Variants in TCF20 observed in about 807,000 individuals in gnomAD.
The protein encoded by TCF20 is transcription factor 20, also known as SPRE-binding protein.
Under a neutral mutation model 148.6 loss-of-function variants are expected in TCF20, and 3 were observed. The ratio of observed to expected loss-of-function variants is 0.02; its 90% CI spans 0.01 to 0.05. The LOEUF (loss-of-function observed/expected upper bound fraction) is 0.05. Ranked by LOEUF, TCF20 falls within the 10% of genes least tolerant of loss-of-function variation. The pLI is 1.00. For synonymous variants in TCF20, 1,049 were observed against 909.5 expected (o/e 1.15, Z -2.76); for missense variants, 2,350 against 2,429.3 (o/e 0.97, Z 0.69).
At position 42,338,917 on chromosome 22, in the gene TCF20, G is replaced by A. The variant is rs182632494; in HGVS notation, c.-37+4562C>T. Among the ~76,000 whole-genome samples, 4 of 152,050 alleles carry A rather than the reference G, an allele frequency of 2.6e-5. No homozygotes were observed. Among genetic ancestry groups the A allele is most frequent in the Non-Finnish European group, 5.9e-5 (4 of 68,024 alleles). On this transcript the variant is annotated intron_variant, in intron 1 of 1. Transcript: ENST00000515426. The surrounding 1 kb of genome is among the most constrained non-coding windows in gnomAD (Gnocchi z 4.0). ...GAGATCTAAGGATGGGGGTGAGCAG[G>A]GTGTCTGGTCCCATTTTTCAGATAG...
chr22:42,226,151 A>AT (rs769270986), intron 1 of TCF20, among the ~76,000 whole-genome samples: 1 of 152,170 alleles, frequency 6.6e-6, no homozygotes, highest in Non-Finnish European at 1.5e-5. Flanking sequence ...ATGACCACAT[A>AT]TGTGAGCAGG....
intron 2 of TCF20, among the ~76,000 whole-genome samples, chr22:42,182,890 C>T (rs1315198879): frequency 6.6e-6 from 1 of 152,198 alleles, no homozygotes; most frequent in African/African-American, 2.4e-5. Context: ...GCATGAACCA[C>T]CACACCTGGC....
intron 1 of TCF20, among the ~76,000 whole-genome samples, chr22:42,221,900 G>A (rs1180115681): frequency 1.3e-5 from 2 of 151,860 alleles, no homozygotes; most frequent in African/African-American, 2.4e-5. Context: ...CACCGTGCCT[G>A]GCTGATTTTT....
At chr22:42,201,926 T>C (rs1482500091) in intron 2 of TCF20, among the ~76,000 whole-genome samples, 1 of 152,212 alleles carries the variant, frequency 6.6e-6, no homozygotes, top group East Asian at 1.9e-4. Flanking sequence ...CCCTTTTGCC[T>C]TCTGTCTTTT....
At chr22:42,305,607 A>G (rs1927417069) in intron 1 of TCF20, among the ~76,000 whole-genome samples, 1 of 152,162 alleles carries the variant, frequency 6.6e-6, no homozygotes, top group Admixed American at 6.5e-5. Flanking sequence ...GTTCCTGGAA[A>G]TGCACTGTGC....
upstream of TCF20, among the ~76,000 whole-genome samples, chr22:42,272,577 G>A (rs1196613411): frequency 1.3e-5 from 2 of 152,136 alleles, no homozygotes; most frequent in African/African-American, 2.4e-5. Flanking sequence ...TGGAGTCCAG[G>A]CGCCTGTCAG....
intron 1 of TCF20, among the ~76,000 whole-genome samples, chr22:42,276,104 C>A (rs1427612830): frequency 6.6e-6 from 1 of 152,168 alleles, no homozygotes; most frequent in Non-Finnish European, 1.5e-5. Flanking sequence ...ATTGTCTGGG[C>A]TCCACGGGAA....
At chr22:42,341,933 C>G (rs897366334) in intron 1 of TCF20, among the ~76,000 whole-genome samples, 3 of 152,104 alleles carry the variant, frequency 2.0e-5, no homozygotes, top group Non-Finnish European at 4.4e-5. Context: ...GGGGATGTAG[C>G]TGGGCCTTGA....
intron 2 of TCF20, among the ~76,000 whole-genome samples, chr22:42,207,662 A>T (rs1260672346): frequency 6.6e-6 from 1 of 152,186 alleles, no homozygotes; most frequent in Non-Finnish European, 1.5e-5. Context: ...CTAAAAATAC[A>T]AAATTAGCTG....
intron 1 of TCF20, among the ~76,000 whole-genome samples, chr22:42,234,863 G>T (rs1923738632): frequency 6.6e-6 from 1 of 152,098 alleles, no homozygotes; most frequent in Non-Finnish European, 1.5e-5. Context: ...CTTTGTGCCG[G>T]GTGCAGTGGC....
chr22:42,213,859 T>G lies in TCF20; in HGVS notation c.1447A>C (p.Lys483Gln). ...MLLSDALTPQKKTSKRPSSSK... is the reference protein window; with the variant it reads ...MLLSDALTPQQKTSKRPSSSK... ...GATGAGGGCCTCTTGGAGGTCTTCT[T>G]CTGAGGAGTCAGGGCATCAGAAAGT... The change falls in exon 2 of 6, where the codon AAG becomes CAG. Residue 483 changes from lysine to glutamine, a missense_variant. Lys to Gln is a moderately conservative substitution (Grantham distance 53, BLOSUM62 1). Coordinates refer to ENST00000677622, the MANE Select transcript of TCF20 (RefSeq NM_001378418.1). The G allele has an allele frequency of 6.2e-7, 1 of 1,614,198 alleles. No homozygotes were observed.
chr22:42,264,890 G>A (rs1179539123), intron 1 of TCF20, among the ~76,000 whole-genome samples: 1 of 152,076 alleles, frequency 6.6e-6, no homozygotes, highest in Non-Finnish European at 1.5e-5. Context: ...CCACATTCAG[G>A]GACATGACAT....
At chr22:42,262,476 G>C (rs143314998) in intron 1 of TCF20, among the ~76,000 whole-genome samples, 110 of 152,258 alleles carry the variant, frequency 7.2e-4, no homozygotes, top group African/African-American at 2.6e-3. Context: ...TGAGGAATAA[G>C]TGTTCAGTTT....
chr22:42,225,583 C>A (rs946089940), intron 1 of TCF20, among the ~76,000 whole-genome samples: 1 of 146,710 alleles, frequency 6.8e-6, no homozygotes, highest in African/African-American at 2.5e-5. Flanking sequence ...CACTGCAGTC[C>A]GCAGTCCGGC....
intron 1 of TCF20, among the ~76,000 whole-genome samples, chr22:42,248,743 G>A (rs1412810541): frequency 6.6e-6 from 1 of 152,190 alleles, no homozygotes; most frequent in African/African-American, 2.4e-5. Context: ...GAATTTTGGG[G>A]CAGGGAATTT....
chr22:42,313,143 G>A (rs890315214), intron 1 of TCF20, among the ~76,000 whole-genome samples: 2 of 152,206 alleles, frequency 1.3e-5, no homozygotes, highest in Non-Finnish European at 2.9e-5. Flanking sequence ...CCCACCTGTG[G>A]GCTGTGTCAC....
At chr22:42,161,704 T>C (rs5758619) in intron 5 of TCF20, among the ~76,000 whole-genome samples, 53,851 of 152,136 alleles carry the variant, frequency 0.35, 11,769 homozygotes, top group Admixed American at 0.49. Flanking sequence ...GCTGGTGGGG[T>C]TTTGCCAGTG....
intron 2 of TCF20, among the ~76,000 whole-genome samples, chr22:42,209,232 C>T (rs147512670): frequency 6.6e-6 from 1 of 152,132 alleles, no homozygotes; most frequent in African/African-American, 2.4e-5. Flanking sequence ...GATGCACGCC[C>T]TTAAATGAAG....
At chr22:42,283,068 C>T (rs1174701522) in intron 1 of TCF20, among the ~76,000 whole-genome samples, 3 of 152,232 alleles carry the variant, frequency 2.0e-5, no homozygotes, top group Non-Finnish European at 2.9e-5. Flanking sequence ...CGCTCTCTTC[C>T]TCCTCCCACC....
Sources: gnomAD v4.1 joint callset for allele counts (sites outside exome capture counted in the v4.1 genomes callset) on GRCh38, gnomAD v4.1.1 for gene constraint, Gnocchi (gnomAD v3.1) non-coding constraint, MANE v1.5 for transcripts, NCBI Gene and HGNC (gene_info 2026-07-23, HGNC 2026-07-21) for gene names.